DLG2: variants seen among roughly 807,000 people sequenced by gnomAD.
DLG2 encodes discs large MAGUK scaffold protein 2.
DLG2 carries 45 observed loss-of-function variants against 132.5 expected under a neutral mutation model. The observed-to-expected ratio is 0.34, with a 90% CI of 0.27 to 0.44. The LOEUF (loss-of-function observed/expected upper bound fraction) is 0.44, where lower values mean the gene tolerates loss of function less well. DLG2 is among the 20% of genes least tolerant of loss of function. The probability of loss-of-function intolerance (pLI) is 1.00; values close to 1 mark genes in which losing one functional copy is unlikely to be tolerated. For missense variants in DLG2, 1,045 were observed against 1,196.9 expected (o/e 0.87, Z 1.87); for synonymous variants, 424 against 419.6 (o/e 1.01, Z -0.13).
chr11:85,058,304 T>TA (rs1485007315), intron 6 of DLG2, among the ~76,000 whole-genome samples: 1 of 151,550 alleles, frequency 6.6e-6, no homozygotes, highest in Non-Finnish European at 1.5e-5. Context: ...TTTATCAACA[T>TA]ATAGCACCTC....
At chr11:84,177,063 G>A (rs1483196250) in intron 8 of DLG2, among the ~76,000 whole-genome samples, 1 of 151,998 alleles carries the variant, frequency 6.6e-6, no homozygotes, top group African/African-American at 2.4e-5. Context: ...ATGTTAATCA[G>A]ACAACAAACT....
chr11:83,999,890 TA>T (rs2094251713), intron 11 of DLG2, among the ~76,000 whole-genome samples: 1 of 149,046 alleles, frequency 6.7e-6, no homozygotes, highest in Non-Finnish European at 1.5e-5. Context: ...AAAAGCAAAT[TA>T]AAAAAATGAG....
chr11:83,749,568 G>A (rs2093164399), intron 18 of DLG2, among the ~76,000 whole-genome samples: 3 of 152,048 alleles, frequency 2.0e-5, no homozygotes, highest in African/African-American at 7.2e-5. Flanking sequence ...TCTGCACACA[G>A]AGCCCCCACC....
chr11:83,895,132 T>C (rs916234702), intron 15 of DLG2, among the ~76,000 whole-genome samples: 6 of 148,782 alleles, frequency 4.0e-5, no homozygotes, highest in African/African-American at 1.5e-4. Context: ...ATCATATTAC[T>C]AAGAACTACT....
rs530258069 is a variant in DLG2 at position 84,692,626 on chromosome 11, A to G, written c.358-157895T>C. Among the ~76,000 whole-genome samples, 124 of 151,842 alleles carry G rather than the reference A, an allele frequency of 8.2e-4. No individual in the cohort carries two copies. In the South Asian group the frequency reaches 0.024, roughly 29 times the overall value. On this transcript the variant is annotated intron_variant, in intron 6 of 27. Transcript: ENST00000376104. ...AACAAATAATTAAGCATATAAATGA[A>G]GCATTTATTATGGGTAATTTAAATT... is the stretch of plus-strand genomic sequence containing the variant.
chr11:84,570,486 T>A (rs906740398), intron 6 of DLG2, among the ~76,000 whole-genome samples: 1 of 152,196 alleles, frequency 6.6e-6, no homozygotes, highest in Non-Finnish European at 1.5e-5. Flanking sequence ...GATAGGATAG[T>A]GTGCATTCAT....
intron 3 of DLG2, among the ~76,000 whole-genome samples, chr11:85,572,977 A>C (rs1265319155): frequency 6.6e-6 from 1 of 152,180 alleles, no homozygotes; most frequent in African/African-American, 2.4e-5. Flanking sequence ...TCCCTTGGTG[A>C]TAAGTGAGTT....
intron 2 of DLG2, among the ~76,000 whole-genome samples, chr11:85,605,735 T>C (rs780193262): frequency 6.6e-6 from 1 of 152,194 alleles, no homozygotes; most frequent in Non-Finnish European, 1.5e-5. Context: ...TACCAGCACT[T>C]TGGGATGCCA....
intron 18 of DLG2, among the ~76,000 whole-genome samples, chr11:83,707,453 T>C (rs1208886338): frequency 3.9e-5 from 6 of 152,316 alleles, no homozygotes; most frequent in Middle Eastern, 3.4e-3. Flanking sequence ...GCAGATCACC[T>C]GAGGTCAGGA....
At chr11:84,000,363 C>T (rs1295215109) in intron 11 of DLG2, among the ~76,000 whole-genome samples, 2 of 152,004 alleles carry the variant, frequency 1.3e-5, no homozygotes, top group Non-Finnish European at 2.9e-5. Flanking sequence ...GCCTTCATGA[C>T]ACATGGGACA....
chr11:85,489,297 T>C (rs558198914), intron 3 of DLG2, among the ~76,000 whole-genome samples: 1 of 152,244 alleles, frequency 6.6e-6, no homozygotes, highest in African/African-American at 2.4e-5. Context: ...AAAATGGTCA[T>C]GGACAGTGAA....
chr11:84,185,386 G>A (rs1208126716), intron 8 of DLG2, among the ~76,000 whole-genome samples: 1 of 152,142 alleles, frequency 6.6e-6, no homozygotes, highest in Non-Finnish European at 1.5e-5. Context: ...TGTTATTTGT[G>A]TATAAGAATG....
intron 6 of DLG2, among the ~76,000 whole-genome samples, chr11:84,693,554 A>G (rs1464784741): frequency 6.6e-6 from 1 of 151,720 alleles, no homozygotes; most frequent in South Asian, 2.1e-4. Context: ...CACGTTCCAC[A>G]TGCCGCAGGA....
At chr11:83,952,083 A>G (rs111451072) in intron 14 of DLG2, among the ~76,000 whole-genome samples, 15,322 of 152,206 alleles carry the variant, frequency 0.1, 853 homozygotes, top group Non-Finnish European at 0.12. Context: ...GGTAGCTCAC[A>G]CCTGTAATCC....
intron 11 of DLG2, among the ~76,000 whole-genome samples, chr11:84,038,766 A>T (rs2095955236): frequency 1.3e-5 from 2 of 152,116 alleles, no homozygotes. Context: ...ATTGACTCTC[A>T]GTTCAGCATG....
intron 3 of DLG2, among the ~76,000 whole-genome samples, chr11:85,585,335 T>G (rs1050759404): frequency 3.9e-5 from 6 of 152,206 alleles, no homozygotes. Context: ...TATTTCTGGG[T>G]TCTCTGTTCT....
intron 15 of DLG2, among the ~76,000 whole-genome samples, chr11:83,887,169 T>C (rs943971216): frequency 6.6e-6 from 1 of 152,102 alleles, no homozygotes; most frequent in Non-Finnish European, 1.5e-5. Flanking sequence ...AGTTGGTTTT[T>C]TGAAAGGATC....
chr11:85,122,768 G>A (rs999590704), intron 5 of DLG2, among the ~76,000 whole-genome samples: 1 of 151,166 alleles, frequency 6.6e-6, no homozygotes, highest in African/African-American at 2.4e-5. Context: ...GTAGGGGACA[G>A]GGAATCCCTG....
At chr11:83,950,103 A>T (rs2154146298) in intron 14 of DLG2, among the ~76,000 whole-genome samples, 1 of 152,308 alleles carries the variant, frequency 6.6e-6, no homozygotes, top group South Asian at 2.1e-4. Context: ...CCTCACGTGT[A>T]AAAGGGGGTA....
Sources: gnomAD v4.1 joint callset for allele counts (sites outside exome capture counted in the v4.1 genomes callset) on GRCh38, gnomAD v4.1.1 for gene constraint, MANE v1.5 for transcripts, NCBI Gene and HGNC (gene_info 2026-07-23, HGNC 2026-07-21) for gene names.